The following GLIS1 variants were observed in gnomAD, a reference collection of about 807,000 sequenced individuals.
GLIS1 encodes GLIS family zinc finger 1.
A neutral mutation model predicts 63.8 loss-of-function variants in GLIS1; 24 were observed. That is an observed-to-expected ratio of 0.38 (90% CI 0.27 to 0.53). The LOEUF is 0.53. GLIS1 is among the 20% of genes least tolerant of loss of function. The pLI is 0.85. For missense variants in GLIS1, 1,036 were observed against 1,074.1 expected (o/e 0.96, Z 0.50); for synonymous variants, 450 against 482.5 (o/e 0.93, Z 0.88).
At chr1:53,624,559 G>C (rs1645576066) in intron 2 of GLIS1, among the ~76,000 whole-genome samples, 1 of 149,276 alleles carries the variant, frequency 6.7e-6, no homozygotes, top group Non-Finnish European at 1.5e-5. Context: ...TTTTTTTAAA[G>C]AGACGGAGTC....
At chr1:53,577,191 G>A (rs1041751242) in intron 4 of GLIS1, among the ~76,000 whole-genome samples, 2 of 150,986 alleles carry the variant, frequency 1.3e-5, no homozygotes, top group African/African-American at 4.9e-5. Context: ...CCTGCCTTAG[G>A]AGCTCCAGAC....
At chr1:53,643,826 C>T (rs543015778) in intron 2 of GLIS1, among the ~76,000 whole-genome samples, 1 of 152,254 alleles carries the variant, frequency 6.6e-6, no homozygotes, top group East Asian at 1.9e-4. Flanking sequence ...GGAAATGAGG[C>T]CCTTCCAAAC....
chr1:53,685,017 C>T (rs1646319410), intron 2 of GLIS1, among the ~76,000 whole-genome samples: 1 of 152,114 alleles, frequency 6.6e-6, no homozygotes, highest in African/African-American at 2.4e-5. Flanking sequence ...AGACACCTGA[C>T]CTGGGGTGGA....
At chr1:53,533,575 C>T (rs562883811) in intron 4 of GLIS1, among the ~76,000 whole-genome samples, 5 of 152,318 alleles carry the variant, frequency 3.3e-5, no homozygotes, top group African/African-American at 1.2e-4. Flanking sequence ...ATGAGAGTGG[C>T]CCGTCCCTCC....
rs1288907424 is a variant in GLIS1 at position 53,705,008 on chromosome 1, G to A, written c.259+32798C>T. Among the ~76,000 whole-genome samples the A allele has an allele frequency of 3.9e-5, 6 of 152,138 alleles. No individual in the cohort carries two copies. The East Asian group carries it at 7.7e-4, about 20-fold the overall frequency. On this transcript the variant is annotated intron_variant, in intron 2 of 10. Transcript: ENST00000628545. ...AGGGGAGGAGACATGAAGAGGGAGC[G>A]CATGAATTCACACCTGCCCCCAACA...
Position 53,511,654 on chromosome 1 carries a change from A to AT in GLIS1, c.1884-1628dup, listed in dbSNP as rs1644299536. Among the ~76,000 whole-genome samples the AT allele has an allele frequency of 6.6e-6, 1 of 152,100 alleles. No homozygotes were observed. Among genetic ancestry groups the AT allele is most frequent in the African/African-American group, 2.4e-5 (1 of 41,388 alleles). ...GGAATAAATTATCATTATCATCATC[A>AT]TTATTTTTAGGCCTGTCTTGTGGGG... On this transcript the variant is annotated intron_variant, in intron 8 of 10. Transcript: ENST00000628545. This position sits in a 1 kb window ranked among gnomAD's most constrained non-coding sequence, Gnocchi z 4.2.
At position 53,687,250 on chromosome 1, in the gene GLIS1, C is replaced by T. The variant is rs547394024; in HGVS notation, c.259+50556G>A. On this transcript the variant is annotated intron_variant, in intron 2 of 10. Transcript: ENST00000628545. The stretch of plus-strand genomic sequence containing the variant: ...TTGGGCAGAGGAGGACGGAAGTAGT[C>T]CCAGCTCCCAAGGCCCTTCATACCC... Among the ~76,000 whole-genome samples the T allele has an allele frequency of 2.0e-5, 3 of 152,192 alleles. No homozygotes were observed. The South Asian group carries it at 6.2e-4, about 32-fold the overall frequency.
chr1:53,666,645 C>A (rs918499661), intron 2 of GLIS1, among the ~76,000 whole-genome samples: 1 of 152,192 alleles, frequency 6.6e-6, no homozygotes, highest in Non-Finnish European at 1.5e-5. Context: ...AGCCTGAGTT[C>A]TTTTCCCCAA....
rs1258653504 is a variant in GLIS1 at position 53,509,271 on chromosome 1, G to T, written c.2079C>A (p.Phe693Leu). ...AGGGGAAGCAACTCTGGATGGAGTGGAAACTGCCCTGGTAACCTGCAGACG... is the reference window on the plus strand; with the variant it reads ...AGGGGAAGCAACTCTGGATGGAGTGTAAACTGCCCTGGTAACCTGCAGACG... ...LPSPQGYQGSFHSIQSCFPYG... is the reference protein window; with the variant it reads ...LPSPQGYQGSLHSIQSCFPYG... Residue 693 changes from phenylalanine to leucine, a missense_variant, in exon 10 of 11, where the codon TTC becomes TTA. Transcript: ENST00000628545. The T allele has an allele frequency of 6.3e-7, 1 of 1,582,254 alleles. No individual in the cohort carries two copies. Among genetic ancestry groups the T allele is most frequent in the South Asian group, 1.1e-5 (1 of 87,308 alleles).
chr1:53,636,121 C>T (rs1014088928), intron 2 of GLIS1, among the ~76,000 whole-genome samples: 2 of 152,078 alleles, frequency 1.3e-5, no homozygotes, highest in Non-Finnish European at 2.9e-5. Flanking sequence ...TGGCATTAAA[C>T]CTCAAAAAGG....
chr1:53,673,602 A>G (rs1262026338), intron 2 of GLIS1, among the ~76,000 whole-genome samples: 2 of 152,232 alleles, frequency 1.3e-5, no homozygotes, highest in Non-Finnish European at 2.9e-5. Flanking sequence ...CCTCCAAACC[A>G]GGGTTACATC....
rs571916050 is a variant in GLIS1 at position 53,656,115 on chromosome 1, G to T, written c.260-55837C>A. 5.3e-5 allele frequency among the ~76,000 whole-genome samples: 8 copies of T among 152,220 alleles called. 1 individual carries two copies. In the South Asian group the frequency reaches 1.2e-3, roughly 24 times the overall value. ...TGGCTCTCAGCTTCCTCATCCTCCT[G>T]CCCCCAGTGGAAGAGGAAAAGAGGA... On this transcript the variant is annotated intron_variant, in intron 2 of 10. Coordinates refer to ENST00000628545, the MANE Select transcript of GLIS1 (RefSeq NM_001367484.1).
intron 2 of GLIS1, among the ~76,000 whole-genome samples, chr1:53,726,684 C>T (rs1295432220): frequency 6.6e-6 from 1 of 152,074 alleles, no homozygotes; most frequent in African/African-American, 2.4e-5. Context: ...GAGAGATGCA[C>T]CGAGGCAGCC....
rs79741784 is a variant in GLIS1 at position 53,682,350 on chromosome 1, A to G, written c.259+55456T>C. Among the ~76,000 whole-genome samples, 1,456 of 152,394 alleles carry G rather than the reference A, an allele frequency of 9.6e-3. 6 individuals carry two copies. Among genetic ancestry groups the G allele is most frequent in the South Asian group, 0.025 (121 of 4,828 alleles). Reference sequence around the variant, plus strand: ...GGGGGATGAAAGGTGCATCAGGCACAGTCCCTGCATCCCTGCATCCCCGCG... The same window carrying G: ...GGGGGATGAAAGGTGCATCAGGCACGGTCCCTGCATCCCTGCATCCCCGCG... On this transcript the variant is annotated intron_variant, in intron 2 of 10. Coordinates refer to ENST00000628545, the MANE Select transcript of GLIS1 (RefSeq NM_001367484.1).
Position 53,506,692 on chromosome 1 carries a change from TCC to T in GLIS1, c.2313_2314del (p.Asp772LeufsTer10). On this transcript the variant is annotated frameshift_variant, in exon 11 of 11. Coordinates refer to ENST00000628545, the MANE Select transcript of GLIS1 (RefSeq NM_001367484.1). LOFTEE classifies it high-confidence loss of function. ...GGCTCCATTGGGGAAGAAGCCACAG[TCC>T]TCGGGGCCGCTGGACACCACATCTT... The T allele has an allele frequency of 6.2e-7, 1 of 1,613,454 alleles. No homozygotes were observed. The highest frequency in any genetic ancestry group is 8.5e-7 in the Non-Finnish European group (1 of 1,179,968).
chr1:53,556,075 T>TA (rs1644819768), intron 4 of GLIS1, among the ~76,000 whole-genome samples: 1 of 144,354 alleles, frequency 6.9e-6, no homozygotes, highest in Admixed American at 6.9e-5. Context: ...ATACTGTAGG[T>TA]TTGTGTGTGC....
chr1:53,629,752 C>T (rs569505217), intron 2 of GLIS1, among the ~76,000 whole-genome samples: 1 of 152,350 alleles, frequency 6.6e-6, no homozygotes, highest in East Asian at 1.9e-4. Context: ...AGCACACACA[C>T]TGCCTACTAC....
intron 4 of GLIS1, among the ~76,000 whole-genome samples, chr1:53,552,980 C>G (rs1044988579): frequency 6.6e-6 from 1 of 152,228 alleles, no homozygotes; most frequent in Non-Finnish European, 1.5e-5. Context: ...GAATTACTCA[C>G]GTGCTCCAGG....
chr1:53,724,096 G>T (rs7524579), intron 2 of GLIS1, among the ~76,000 whole-genome samples: 8,901 of 152,252 alleles, frequency 0.058, 496 homozygotes, highest in East Asian at 0.26. Context: ...GGACTCACAT[G>T]TGTATCTCCA....
Sources: allele counts gnomAD v4.1 joint callset (sites outside exome capture counted in the v4.1 genomes callset), GRCh38; gene constraint gnomAD v4.1.1; non-coding constraint Gnocchi (gnomAD v3.1); transcripts MANE v1.5; gene names NCBI Gene and HGNC (gene_info 2026-07-23, HGNC 2026-07-21).